EGF: variants seen among roughly 807,000 people sequenced by gnomAD.
EGF encodes the protein pro-epidermal growth factor.
In EGF, 95 loss-of-function variants were observed where a neutral mutation model predicts 143.8. That is an observed-to-expected ratio of 0.66 (90% CI 0.56 to 0.78). The LOEUF (loss-of-function observed/expected upper bound fraction) is 0.78. Ranked by LOEUF, EGF falls within the 30% of genes least tolerant of loss-of-function variation. The pLI, the probability that EGF is intolerant of heterozygous loss-of-function variation, is 0.00. For synonymous variants in EGF, 510 were observed against 510.5 expected (o/e 1.00, Z 0.01); for missense variants, 1,320 against 1,470.9 (o/e 0.90, Z 1.68).
rs1754134226 is a variant in EGF, at chr4:110,013,017, G to A, written c.*1562G>A. 6.6e-6 allele frequency among the ~76,000 whole-genome samples: 1 copy of A among 152,152 alleles called. No individual in the cohort carries two copies. Among genetic ancestry groups the A allele is most frequent in the African/African-American group, 2.4e-5 (1 of 41,442 alleles). ...TTTTGGTAAAGATTTGGTGATGGGAGGATGACTTGAGGTTTGTGGATATTA... is the reference window on the plus strand; with the variant it reads ...TTTTGGTAAAGATTTGGTGATGGGAAGATGACTTGAGGTTTGTGGATATTA... On this transcript the variant is annotated 3_prime_UTR_variant, in exon 24 of 24. Coordinates refer to ENST00000265171, the MANE Select transcript of EGF (RefSeq NM_001963.6).
At chr4:109,944,172 A>G (rs567894227) in intron 4 of EGF, 103 bp downstream of exon 4, 25 of 1,298,158 alleles carry the variant, frequency 1.9e-5, no homozygotes, top group Admixed American at 4.0e-5. Context: ...GGTTTAGGCC[A>G]TAGATTTTGA....
chr4:109,919,287 GTCTCTCTCTCTCTC>G (rs58110007), intron 1 of EGF, among the ~76,000 whole-genome samples: 3,733 of 75,852 alleles, frequency 0.049, 57 homozygotes, highest in East Asian at 0.075. Flanking sequence ...ATGCTTCTCT[GTCTCTCTCTCTCTC>G]TCTCTCTCTC....
In EGF at chr4:109,964,454, T is replaced by A; in HGVS notation, c.1492T>A (p.Phe498Ile). Residue 498 changes from phenylalanine (F) to isoleucine (I), a missense_variant, in exon 10 of 24, where the codon TTT becomes ATT. Around this residue, in one of 5 missense-constraint regions of EGF, gnomAD observed 1,186 missense variants for 1,313.7 expected, o/e 0.90. Transcript: ENST00000265171. The stretch of plus-strand genomic sequence containing the variant: ...TTCTCAAGATATTCGACACATGCAT[T>A]TTGATGGAACAGACTATGGAACTCT... ...ANSQDIRHMHFDGTDYGTLLS... is the reference protein window; with the variant it reads ...ANSQDIRHMHIDGTDYGTLLS... 6.2e-7 allele frequency: 1 copy of A among 1,613,970 alleles called. No homozygotes were observed. Among genetic ancestry groups the A allele is most frequent in the African/African-American group, 1.3e-5 (1 of 75,016 alleles).
intron 5 of EGF, among the ~76,000 whole-genome samples, chr4:109,945,843 A>C (rs1243203168): frequency 6.6e-6 from 1 of 152,138 alleles, no homozygotes; most frequent in African/African-American, 2.4e-5. Context: ...TAATGTAGGT[A>C]CCTCTGCAGC....
At chr4:109,974,052 A>G (rs1180628704) in intron 11 of EGF, among the ~76,000 whole-genome samples, 2 of 152,232 alleles carry the variant, frequency 1.3e-5, no homozygotes, top group African/African-American at 4.8e-5. Flanking sequence ...AATAACTTAT[A>G]ACTGTATTTA....
intron 13 of EGF, 54 bp from the exon 14 acceptor site, chr4:109,979,918 A>G: frequency 1.9e-6 from 3 of 1,602,874 alleles, no homozygotes; most frequent in Non-Finnish European, 2.6e-6. Flanking sequence ...CCTTTCGTAA[A>G]TAGTCATTGC....
intron 10 of EGF, 87 bp from the exon 11 acceptor site, chr4:109,968,884 C>A: frequency 6.3e-7 from 1 of 1,575,810 alleles, no homozygotes; most frequent in Non-Finnish European, 8.7e-7. Context: ...TCTTAACACC[C>A]TGTACAACCT....
At chr4:109,956,729 A>T (rs1744855022) in intron 5 of EGF, among the ~76,000 whole-genome samples, 1 of 152,214 alleles carries the variant, frequency 6.6e-6, no homozygotes, top group Admixed American at 6.5e-5. Flanking sequence ...TATCCATAAG[A>T]CCATTCAATG....
rs779820004 is a variant in EGF, at chr4:109,964,583, G to C, written c.1575+46G>C. On this transcript the variant is annotated intron_variant, in intron 10 of 23. Transcript: ENST00000265171. Reference sequence around the variant, plus strand: ...CAGATGTGGACATGCTTTAAGGACAGAGTAGAGGATTTTATCCTAACAAAT... The same window carrying C: ...CAGATGTGGACATGCTTTAAGGACACAGTAGAGGATTTTATCCTAACAAAT... The C allele has an allele frequency of 6.2e-5, 100 of 1,612,480 alleles. No individual in the cohort carries two copies. The South Asian group carries it at 6.4e-4, about 10-fold the overall frequency.
chr4:109,942,979 G>C (rs1249601846), intron 2 of EGF, among the ~76,000 whole-genome samples: 1 of 152,156 alleles, frequency 6.6e-6, no homozygotes, highest in Admixed American at 6.5e-5. Context: ...AATACATTAT[G>C]GTTGGCTTCC....
intron 11 of EGF, among the ~76,000 whole-genome samples, chr4:109,972,266 T>G (rs1747779541): frequency 6.6e-6 from 1 of 152,204 alleles, no homozygotes; most frequent in Non-Finnish European, 1.5e-5. Flanking sequence ...AGTTTGAGAT[T>G]TGCTCTCTAG....
intron 5 of EGF, among the ~76,000 whole-genome samples, chr4:109,957,452 G>A (rs1744977194): frequency 6.6e-6 from 1 of 152,232 alleles, no homozygotes; most frequent in Non-Finnish European, 1.5e-5. Context: ...AAGTGAATGT[G>A]CTGCCACAGC....
At chr4:109,944,927 T>G (rs1742576868) in intron 4 of EGF, 146 bp from the exon 5 acceptor site, 2 of 846,264 alleles carry the variant, frequency 2.4e-6, no homozygotes, top group Non-Finnish European at 3.7e-6. Flanking sequence ...AATTTTAAAC[T>G]TAATATACTT....
rs899561800 is a variant in EGF, at chr4:109,976,360, C to T, written c.2053+125C>T. The T allele has an allele frequency of 1.1e-5, 9 of 854,160 alleles. No homozygotes were observed. In the Admixed American group the frequency reaches 1.2e-4, roughly 11 times the overall value. 52.9% of individuals were successfully genotyped at this position (854,160 alleles called of 1,614,324 possible). A position where few individuals can be genotyped will look rare whatever the true frequency, so the allele number is the denominator to read the frequency against. On this transcript the variant is annotated intron_variant, in intron 13 of 23. Transcript: ENST00000265171. ...TGGGTGAATATGGAATAGAGACAGA[C>T]TTCTCCAGGGAATCATGAGCTGCAA...
intron 5 of EGF, among the ~76,000 whole-genome samples, chr4:109,958,159 T>A (rs895313169): frequency 6.6e-6 from 1 of 152,198 alleles, no homozygotes; most frequent in African/African-American, 2.4e-5. Flanking sequence ...CTTTAAATCA[T>A]CTCCAAATTA....
intron 5 of EGF, among the ~76,000 whole-genome samples, chr4:109,956,155 T>C (rs1241395181): frequency 5.9e-5 from 9 of 152,180 alleles, no homozygotes; most frequent in Non-Finnish European, 1.3e-4. Flanking sequence ...AACTATAGAA[T>C]TTTTTTAAAA....
chr4:109,964,976 A>G (rs1746313806), intron 10 of EGF, among the ~76,000 whole-genome samples: 1 of 152,084 alleles, frequency 6.6e-6, no homozygotes, highest in Admixed American at 6.6e-5. Context: ...GAGGGAGGAG[A>G]TTCAATGACC....
intron 20 of EGF, among the ~76,000 whole-genome samples, chr4:109,997,459 AT>A (rs1233074875): frequency 8.7e-5 from 13 of 150,260 alleles, no homozygotes; most frequent in Admixed American, 1.3e-4. Flanking sequence ...TCTCTACCAA[AT>A]TTTTTTTTTC....
In EGF at chr4:109,960,943, G is replaced by A. The variant is rs1289793145; in HGVS notation, c.1143G>A (p.Thr381=). The change falls in exon 7 of 24, where the codon ACG becomes ACA. Residue 381 remains threonine, a synonymous_variant. Transcript: ENST00000265171. Reference sequence around the variant, plus strand: ...ACACCCCTGGATCCTATTACTGCACGTGCCCTGTAGGATTTGTTCTGCTTC... The same window carrying A: ...ACACCCCTGGATCCTATTACTGCACATGCCCTGTAGGATTTGTTCTGCTTC... ...CKNTPGSYYC[T]CPVGFVLLPD... 5 of 1,613,732 alleles carry A rather than the reference G, an allele frequency of 3.1e-6. No homozygotes were observed. Among genetic ancestry groups the A allele is most frequent in the Non-Finnish European group, 3.4e-6 (4 of 1,179,896 alleles).
Sources: allele counts gnomAD v4.1 joint callset (sites outside exome capture counted in the v4.1 genomes callset), GRCh38; gene constraint gnomAD v4.1.1; regional missense constraint gnomAD v4.1.1; transcripts MANE v1.5; gene names NCBI Gene and HGNC (gene_info 2026-07-23, HGNC 2026-07-21).